The following MCTP2 variants were observed in gnomAD, a reference collection of about 807,000 sequenced individuals.
MCTP2 encodes multiple C2 and transmembrane domain containing 2.
In MCTP2, 132 loss-of-function variants were observed where a neutral mutation model predicts 111.6. That is an observed-to-expected ratio of 1.18 (90% CI 1.03 to 1.37). MCTP2 has a LOEUF of 1.37. MCTP2 is among the 40% of genes most tolerant of loss of function. MCTP2 has a pLI of 0.00. For synonymous variants in MCTP2, 395 were observed against 387.7 expected (o/e 1.02, Z -0.22); for missense variants, 1,183 against 1,067.9 (o/e 1.11, Z -1.50).
rs970269317 is a variant in MCTP2, at chr15:94,279,206, C to T, written c.-65-18995C>T. Among the ~76,000 whole-genome samples, 6 of 152,018 alleles carry T rather than the reference C, an allele frequency of 3.9e-5. 1 individual carries two copies. Among genetic ancestry groups the T allele is most frequent in the Non-Finnish European group, 4.4e-5 (3 of 67,972 alleles). On this transcript the variant is annotated intron_variant, in intron 1 of 22. Coordinates refer to ENST00000357742, the MANE Select transcript of MCTP2 (RefSeq NM_001385001.1). ...CATTGAATCTGTAAATTGCTTTGGG[C>T]AGTGTGATCATTTTTAACAATAGTG...
chr15:94,242,018 A>C (rs2152224683), intron 1 of MCTP2, among the ~76,000 whole-genome samples: 1 of 152,304 alleles, frequency 6.6e-6, no homozygotes, highest in Non-Finnish European at 1.5e-5. Context: ...ATGATTAAGG[A>C]GAGAAAAGGT....
At chr15:94,421,664 C>T (rs2082636000) in intron 17 of MCTP2, among the ~76,000 whole-genome samples, 1 of 152,106 alleles carries the variant, frequency 6.6e-6, no homozygotes, top group Admixed American at 6.6e-5. Flanking sequence ...TTGTTTCTGC[C>T]CTCATGTCTT....
chr15:94,244,197 TAC>T (rs1373086672), intron 1 of MCTP2, among the ~76,000 whole-genome samples: 4 of 142,520 alleles, frequency 2.8e-5, no homozygotes, highest in African/African-American at 2.7e-5. Flanking sequence ...TATGTTTATA[TAC>T]ACGTGTATAC....
chr15:94,457,623 A>C (rs2084917423), intron 19 of MCTP2, among the ~76,000 whole-genome samples: 1 of 152,194 alleles, frequency 6.6e-6, no homozygotes, highest in Admixed American at 6.5e-5. Flanking sequence ...AGGATGGATG[A>C]AATGTCATCG....
At chr15:94,361,010 T>A (rs2078902806) in intron 10 of MCTP2, among the ~76,000 whole-genome samples, 1 of 151,130 alleles carries the variant, frequency 6.6e-6, no homozygotes, top group Non-Finnish European at 1.5e-5. Flanking sequence ...GACTGAAAGA[T>A]TGTGCTAGCA....
Position 94,367,804 on chromosome 15 carries a change from C to T in MCTP2, c.1488+13C>T. 1 of 1,590,350 alleles carries T rather than the reference C, an allele frequency of 6.3e-7. No individual in the cohort carries two copies. The highest frequency in any genetic ancestry group is 8.5e-7 in the Non-Finnish European group (1 of 1,170,430). ...TACCCAGCGATATGTGAGTGTTTTT[C>T]CTTATTGTACACTCCCCCTCCTCCC... On this transcript the variant is annotated intron_variant, in intron 11 of 22. Transcript: ENST00000357742.
chr15:94,429,988 A>G (rs529467541), intron 17 of MCTP2, among the ~76,000 whole-genome samples: 65 of 151,926 alleles, frequency 4.3e-4, no homozygotes, highest in African/African-American at 1.5e-3. Context: ...ACTATTTGCA[A>G]CTCCTCTGTC....
intron 17 of MCTP2, among the ~76,000 whole-genome samples, chr15:94,408,633 A>G (rs1001407254): frequency 6.6e-6 from 1 of 152,238 alleles, no homozygotes; most frequent in African/African-American, 2.4e-5. Context: ...ATAAAATTAC[A>G]GTAATCGCAT....
At chr15:94,243,002 T>TACACATACACGTGTATATGTGTATCC (rs2071127355) in intron 1 of MCTP2, among the ~76,000 whole-genome samples, 1 of 88,706 alleles carries the variant, frequency 1.1e-5, no homozygotes, top group Admixed American at 1.1e-4. Flanking sequence ...TATGTGTATC[T>TACACATACACGTGTATATGTGTATCC]ACACATACAC....
intron 19 of MCTP2, among the ~76,000 whole-genome samples, chr15:94,444,257 T>G (rs145027481): frequency 5.9e-4 from 90 of 152,316 alleles, no homozygotes; most frequent in African/African-American, 2.0e-3. Flanking sequence ...GGAATGGGTG[T>G]GGAACTTCCA....
At chr15:94,455,721 A>T (rs1261017981) in intron 19 of MCTP2, among the ~76,000 whole-genome samples, 1 of 152,198 alleles carries the variant, frequency 6.6e-6, no homozygotes. Context: ...CACCATGCCC[A>T]GCTTCAGAAA....
intron 19 of MCTP2, 101 bp from the exon 20 acceptor site, chr15:94,458,036 A>G: frequency 1.5e-6 from 1 of 667,456 alleles, no homozygotes; most frequent in Non-Finnish European, 2.6e-6. Flanking sequence ...GTGTCACTCT[A>G]TTGGTAAAAA....
At chr15:94,236,287 A>G (rs1318000614) in intron 1 of MCTP2, among the ~76,000 whole-genome samples, 3 of 149,342 alleles carry the variant, frequency 2.0e-5, no homozygotes, top group Non-Finnish European at 4.4e-5. Flanking sequence ...TTTGGAAGAT[A>G]TTCAGAAGAG....
chr15:94,335,838 A>G lies in MCTP2; in HGVS notation c.638-3452A>G, dbSNP rs574388005. Among the ~76,000 whole-genome samples, 187 of 152,368 alleles carry G rather than the reference A, an allele frequency of 1.2e-3. 4 individuals carry two copies. Among genetic ancestry groups the G allele is most frequent in the Non-Finnish European group, 2.2e-4 (15 of 68,042 alleles). On this transcript the variant is annotated intron_variant, in intron 4 of 22. Coordinates refer to ENST00000357742, the MANE Select transcript of MCTP2 (RefSeq NM_001385001.1). ...TTAATTGTGAAAGCGTGAGTCCACT[A>G]AAAACAATTCTATTTTTTTTCCTGT...
chr15:94,479,153 T>G lies in MCTP2; in HGVS notation c.*119T>G. 3 of 890,916 alleles carry G rather than the reference T, an allele frequency of 3.4e-6. No individual in the cohort carries two copies. Among genetic ancestry groups the G allele is most frequent in the African/African-American group, 3.3e-5 (2 of 60,936 alleles). 55.2% of individuals were successfully genotyped at this position (890,916 alleles called of 1,614,324 possible). ...CTGAAATGCATGCCCTGTGGCACCC[T>G]CTGTATACTTCCTCCTCCTTCACGT... On this transcript the variant is annotated 3_prime_UTR_variant, in exon 23 of 23. Transcript: ENST00000357742.
At chr15:94,435,647 T>G (rs1474466071) in intron 17 of MCTP2, among the ~76,000 whole-genome samples, 1 of 137,252 alleles carries the variant, frequency 7.3e-6, no homozygotes, top group Non-Finnish European at 1.6e-5. Context: ...TTTTTTTTTT[T>G]TTGAGACGGA....
At position 94,244,137 on chromosome 15, in the gene MCTP2, T is replaced by C. The variant is rs1224004227; in HGVS notation, c.-66+12473T>C. ...ATGTTTATATACACATGTATACACATGCATATGTGTATATGTTTATATACA... is the reference window on the plus strand; with the variant it reads ...ATGTTTATATACACATGTATACACACGCATATGTGTATATGTTTATATACA... On this transcript the variant is annotated intron_variant, in intron 1 of 22. Coordinates refer to ENST00000357742, the MANE Select transcript of MCTP2 (RefSeq NM_001385001.1). Among the ~76,000 whole-genome samples, 3 of 145,092 alleles carry C rather than the reference T, an allele frequency of 2.1e-5. 1 individual carries two copies. Among genetic ancestry groups the C allele is most frequent in the Non-Finnish European group, 4.5e-5 (3 of 66,218 alleles).
At chr15:94,273,284 T>C (rs1210148470) in intron 1 of MCTP2, among the ~76,000 whole-genome samples, 1 of 152,206 alleles carries the variant, frequency 6.6e-6, no homozygotes, top group Non-Finnish European at 1.5e-5. Context: ...GAATTAACCA[T>C]GTGCTGGGCC....
chr15:94,242,203 A>G (rs2037897039), intron 1 of MCTP2, among the ~76,000 whole-genome samples: 1 of 152,138 alleles, frequency 6.6e-6, no homozygotes. Context: ...GAATTCAGAC[A>G]AACCCCAGCT....
Sources: allele counts gnomAD v4.1 joint callset (sites outside exome capture counted in the v4.1 genomes callset), GRCh38; gene constraint gnomAD v4.1.1; transcripts MANE v1.5; gene names NCBI Gene and HGNC (gene_info 2026-07-23, HGNC 2026-07-21).